The following LIPK variants were observed in gnomAD, a reference collection of about 807,000 sequenced individuals.
LIPK encodes lipase member K.
Under a neutral mutation model 48.6 loss-of-function variants are expected in LIPK, and 32 were observed. The observed-to-expected ratio is 0.66, with a 90% CI of 0.50 to 0.88. The LOEUF (loss-of-function observed/expected upper bound fraction) is 0.88, where lower values mean the gene tolerates loss of function less well. LIPK is among the 40% of genes least tolerant of loss of function. The pLI, the probability that LIPK is intolerant of heterozygous loss-of-function variation, is 0.00. For missense variants in LIPK, 507 were observed against 478.5 expected, an observed-to-expected ratio of 1.06 and a Z score of -0.56; for synonymous variants, 164 against 157.4, an observed-to-expected ratio of 1.04 and a Z score of -0.32.
Position 88,737,716 on chromosome 10 carries a change from T to G in LIPK, c.751T>G (p.Phe251Val). Residue 251 changes from phenylalanine (F) to valine (V), a missense_variant, in exon 7 of 10, where the codon TTC becomes GTC. Transcript: ENST00000404190. ...CACCAAAGTGTGCAATCGAAAGCTA[T>G]TCCGTCGTATTTGCAGCAACTTCCT... ...IATKVCNRKL[F>V]RRICSNFLFT... 6.2e-7 allele frequency: 1 copy of G among 1,613,922 alleles called. No individual in the cohort carries two copies. The highest frequency in any genetic ancestry group is 2.2e-5 in the East Asian group (1 of 44,878).
chr10:88,717,881 G>GTT (rs111612883), intron 1 of LIPK, among the ~76,000 whole-genome samples: 5,338 of 146,312 alleles, frequency 0.036, 106 homozygotes, highest in Middle Eastern at 0.064. Flanking sequence ...ATTATTTAAT[G>GTT]TTTTTTTTTT....
chr10:88,745,035 G>T (rs749822260), intron 9 of LIPK, among the ~76,000 whole-genome samples: 1 of 152,166 alleles, frequency 6.6e-6, no homozygotes, highest in Admixed American at 6.5e-5. Flanking sequence ...AAATCTCAGA[G>T]ATTGAAGACT....
intron 1 of LIPK, among the ~76,000 whole-genome samples, chr10:88,711,593 C>T (rs1323019573): frequency 6.6e-6 from 1 of 152,140 alleles, no homozygotes; most frequent in East Asian, 1.9e-4. Flanking sequence ...ATATCTCAGC[C>T]TCCTATGAGT....
At chr10:88,735,812 G>A (rs1842560528) in intron 6 of LIPK, among the ~76,000 whole-genome samples, 1 of 152,204 alleles carries the variant, frequency 6.6e-6, no homozygotes, top group Admixed American at 6.5e-5. Flanking sequence ...CTGTATATGG[G>A]TGCTATACTG....
chr10:88,747,114 C>G (rs888815497), intron 9 of LIPK, among the ~76,000 whole-genome samples: 7 of 152,098 alleles, frequency 4.6e-5, no homozygotes, highest in African/African-American at 1.7e-4. Context: ...AAAACTGAAT[C>G]AGTACTAAAA....
chr10:88,736,644 C>T (rs754645379), intron 6 of LIPK, among the ~76,000 whole-genome samples: 1 of 152,120 alleles, frequency 6.6e-6, no homozygotes, highest in Non-Finnish European at 1.5e-5. Context: ...CCATGCTTGG[C>T]AAAACAAATC....
chr10:88,731,266 G>A lies in LIPK; in HGVS notation c.422+85G>A, dbSNP rs966443450. On this transcript the variant is annotated intron_variant, in intron 4 of 9. Coordinates refer to ENST00000404190, the MANE Select transcript of LIPK (RefSeq NM_001080518.2). ...CCTAGTGATTTTTTTCCTGTTTTGT[G>A]TCCAAATGCACCCAATGGAATCCAC... is the stretch of plus-strand genomic sequence containing the variant. The A allele has an allele frequency of 3.6e-6, 4 of 1,116,986 alleles. No homozygotes were observed. The African/African-American group carries it at 4.9e-5, about 14-fold the overall frequency. The allele number at this position is 1,116,986 out of a possible 1,614,324, so 69.2% of individuals were successfully genotyped here. A position where few individuals can be genotyped will look rare whatever the true frequency, so the allele number is the denominator to read the frequency against.
At chr10:88,737,059 G>A (rs544079716) in intron 6 of LIPK, among the ~76,000 whole-genome samples, 1 of 152,234 alleles carries the variant, frequency 6.6e-6, no homozygotes, top group African/African-American at 2.4e-5. Flanking sequence ...TCATTTATGT[G>A]GGTTAAGCTT....
intron 4 of LIPK, among the ~76,000 whole-genome samples, chr10:88,731,605 T>C (rs1330238595): frequency 1.3e-5 from 2 of 152,272 alleles, no homozygotes; most frequent in Non-Finnish European, 2.9e-5. Flanking sequence ...GAAAATCCTG[T>C]GTTCCTTGGC....
At chr10:88,745,620 C>A (rs1273640765) in intron 9 of LIPK, among the ~76,000 whole-genome samples, 1 of 152,108 alleles carries the variant, frequency 6.6e-6, no homozygotes, top group Non-Finnish European at 1.5e-5. Flanking sequence ...TCCAAGAGGT[C>A]CTTAATGGAA....
chr10:88,725,243 G>GA (rs1842313552), intron 2 of LIPK, among the ~76,000 whole-genome samples: 1 of 152,032 alleles, frequency 6.6e-6, no homozygotes, highest in East Asian at 1.9e-4. Flanking sequence ...AACTGCCAAA[G>GA]TTTTTTTTCA....
chr10:88,726,837 G>A lies in LIPK; in HGVS notation c.148G>A (p.Asp50Asn). The change falls in exon 3 of 10, where the codon GAT becomes AAT. Residue 50 changes from aspartate (D) to asparagine (N), a missense_variant. Asp to Asn is a conservative substitution (Grantham distance 23). Transcript: ENST00000404190. ...CTGGGGTTATCCTTATGAAGAGTAT[G>A]ATGTTACAACAAAAGATGGTTATAT... is the stretch of plus-strand genomic sequence containing the variant. Reference protein sequence around the residue: ...SYWGYPYEEYDVTTKDGYILG... With the variant: ...SYWGYPYEEYNVTTKDGYILG... The A allele has an allele frequency of 6.2e-7, 1 of 1,607,594 alleles. No homozygotes were observed. Among genetic ancestry groups the A allele is most frequent in the Non-Finnish European group, 8.5e-7 (1 of 1,175,084 alleles).
intron 7 of LIPK, 79 bp from the exon 8 acceptor site, chr10:88,739,917 C>A (rs1287099712): frequency 1.2e-6 from 1 of 841,108 alleles, no homozygotes; most frequent in Admixed American, 2.5e-5. Flanking sequence ...AAAGAAGAAA[C>A]TTTTTAAATT....
intron 9 of LIPK, among the ~76,000 whole-genome samples, chr10:88,747,389 T>C (rs1842784353): frequency 6.6e-6 from 1 of 152,114 alleles, no homozygotes; most frequent in African/African-American, 2.4e-5. Flanking sequence ...GTGAACCTAA[T>C]ACAGCAACAC....
At chr10:88,748,194 C>T (rs556350186) in intron 9 of LIPK, among the ~76,000 whole-genome samples, 104 of 152,216 alleles carry the variant, frequency 6.8e-4, no homozygotes, top group Non-Finnish European at 9.0e-4. Context: ...TGTTCTTACT[C>T]ATAAGTGGGA....
At chr10:88,750,309 A>G (rs1319977949) in intron 9 of LIPK, among the ~76,000 whole-genome samples, 1 of 152,200 alleles carries the variant, frequency 6.6e-6, no homozygotes, top group Non-Finnish European at 1.5e-5. Flanking sequence ...CTAGGTATAT[A>G]CTCAAAGGAA....
At chr10:88,745,873 T>G (rs1842757327) in intron 9 of LIPK, among the ~76,000 whole-genome samples, 1 of 152,204 alleles carries the variant, frequency 6.6e-6, no homozygotes, top group Admixed American at 6.5e-5. Context: ...GTATGCTGCC[T>G]ACCTGAGACC....
chr10:88,735,651 C>A (rs1842557061), intron 6 of LIPK, among the ~76,000 whole-genome samples: 1 of 152,234 alleles, frequency 6.6e-6, no homozygotes, highest in African/African-American at 2.4e-5. Context: ...TGGCATGGGG[C>A]CATGTTGCCA....
At chr10:88,738,821 A>G (rs1234344031) in intron 7 of LIPK, among the ~76,000 whole-genome samples, 1 of 152,226 alleles carries the variant, frequency 6.6e-6, no homozygotes, top group Non-Finnish European at 1.5e-5. Context: ...GCCAAAAAGC[A>G]AAACTTACAG....
Sources: allele counts gnomAD v4.1 joint callset (sites outside exome capture counted in the v4.1 genomes callset), GRCh38; gene constraint gnomAD v4.1.1; transcripts MANE v1.5; gene names NCBI Gene and HGNC (gene_info 2026-07-23, HGNC 2026-07-21).